STK24: variants seen among roughly 807,000 people sequenced by gnomAD.
The protein encoded by STK24 is serine/threonine-protein kinase 24.
STK24 carries 21 observed loss-of-function variants against 55.6 expected under a neutral mutation model. The ratio of observed to expected loss-of-function variants is 0.38; its 90% CI spans 0.27 to 0.54. STK24 has a LOEUF of 0.54. STK24 is among the 20% of genes least tolerant of loss of function. The pLI is 0.79. For missense variants in STK24, 383 were observed against 538.4 expected (o/e 0.71, Z 2.86); for synonymous variants, 200 against 215.2 (o/e 0.93, Z 0.62).
At chr13:98,542,492 C>T (rs1254999905) in intron 1 of STK24, among the ~76,000 whole-genome samples, 1 of 152,170 alleles carries the variant, frequency 6.6e-6, no homozygotes, top group African/African-American at 2.4e-5. Flanking sequence ...ACTCCAGGGT[C>T]AACTCAAGTG....
rs571427266 is a variant in STK24, at chr13:98,555,806, G to A, written c.42+20939C>T. 2.9e-3 allele frequency among the ~76,000 whole-genome samples: 422 copies of A among 147,044 alleles called. 1 individual carries two copies. Among genetic ancestry groups the A allele is most frequent in the African/African-American group, 9.8e-3 (394 of 40,218 alleles). ...CGCCATTCTCCTGCCTCAGCCTCCC[G>A]AGTAGCTGGGACTACAGGTGCCCGC... On this transcript the variant is annotated intron_variant, in intron 1 of 10. Transcript: ENST00000539966.
At chr13:98,541,498 T>C (rs1255186178) in intron 1 of STK24, among the ~76,000 whole-genome samples, 1 of 152,200 alleles carries the variant, frequency 6.6e-6, no homozygotes, top group Non-Finnish European at 1.5e-5. Context: ...AAAGAGACCA[T>C]GATGTCAGCA....
rs368896026 is a variant in STK24, at chr13:98,461,054, A to AAAG, written c.1054-615_1054-614insCTT. ...CAGAGACCCCGTCTCAAAAAAAAAA[A>AAAG]AGAGAGAGAGAGAGAGAGAGAGAAA... On this transcript the variant is annotated intron_variant, in intron 8 of 10. Coordinates refer to ENST00000539966, the MANE Select transcript of STK24 (RefSeq NM_001032296.4). Among the ~76,000 whole-genome samples the AAAG allele has an allele frequency of 8.5e-3, 1,216 of 143,712 alleles. 13 individuals carry two copies. Among genetic ancestry groups the AAAG allele is most frequent in the African/African-American group, 0.025 (966 of 38,726 alleles). The allele number at this position is 143,712 out of a possible 152,430, so 94.3% of individuals were successfully genotyped here.
intron 1 of STK24, among the ~76,000 whole-genome samples, chr13:98,566,496 A>C (rs553496100): frequency 6.6e-6 from 1 of 152,370 alleles, no homozygotes; most frequent in South Asian, 2.1e-4. Flanking sequence ...GGCAGGTTTC[A>C]TAAGCCTCGG....
intron 1 of STK24, among the ~76,000 whole-genome samples, chr13:98,533,055 A>G (rs1049914494): frequency 6.6e-6 from 1 of 152,240 alleles, no homozygotes; most frequent in Non-Finnish European, 1.5e-5. Flanking sequence ...ATTAAATTCT[A>G]TGAATTGCAA....
intron 1 of STK24, among the ~76,000 whole-genome samples, chr13:98,559,046 A>G (rs1454753536): frequency 6.7e-6 from 1 of 148,474 alleles, no homozygotes; most frequent in Non-Finnish European, 1.5e-5. Flanking sequence ...AAAATTAGCC[A>G]GGCATGGAGG....
intron 1 of STK24, among the ~76,000 whole-genome samples, chr13:98,543,693 C>CT (rs747078430): frequency 4.6e-5 from 7 of 152,136 alleles, no homozygotes; most frequent in Non-Finnish European, 8.8e-5. Context: ...AAGGATGGTG[C>CT]TGAACTATGG....
At chr13:98,502,584 G>A (rs138625412) in intron 2 of STK24, among the ~76,000 whole-genome samples, 8 of 152,236 alleles carry the variant, frequency 5.3e-5, no homozygotes, top group Non-Finnish European at 8.8e-5. Context: ...GTGACTTCAG[G>A]AACAGGTTTG....
At chr13:98,539,771 G>C (rs1256515233) in intron 1 of STK24, among the ~76,000 whole-genome samples, 1 of 152,124 alleles carries the variant, frequency 6.6e-6, no homozygotes, top group Admixed American at 6.6e-5. Flanking sequence ...AAGCCATTTG[G>C]CAATTTCTCA....
chr13:98,556,050 C>A (rs373935741), intron 1 of STK24, among the ~76,000 whole-genome samples: 1 of 152,078 alleles, frequency 6.6e-6, no homozygotes, highest in Non-Finnish European at 1.5e-5. Flanking sequence ...ATATACCTGA[C>A]GAAATGCCCG....
intron 1 of STK24, among the ~76,000 whole-genome samples, chr13:98,550,397 G>A (rs1419633313): frequency 6.6e-6 from 1 of 152,124 alleles, no homozygotes; most frequent in Non-Finnish European, 1.5e-5. Flanking sequence ...GGGCATGGTG[G>A]TGCACACCTG....
intron 2 of STK24, among the ~76,000 whole-genome samples, chr13:98,484,255 A>G (rs192208133): frequency 1.3e-5 from 2 of 151,894 alleles, no homozygotes; most frequent in Admixed American, 1.3e-4. Flanking sequence ...TCTTCCAGGA[A>G]AACACCAGTA....
chr13:98,498,865 C>T (rs1440215746), intron 2 of STK24, among the ~76,000 whole-genome samples: 4 of 152,252 alleles, frequency 2.6e-5, no homozygotes, highest in South Asian at 2.1e-4. Context: ...CATCCCAGAC[C>T]GCCACTGGGG....
At chr13:98,496,089 T>G (rs1204871570) in intron 2 of STK24, among the ~76,000 whole-genome samples, 1 of 152,130 alleles carries the variant, frequency 6.6e-6, no homozygotes, top group Non-Finnish European at 1.5e-5. Context: ...TGCCCTACAC[T>G]CATGCGGGAG....
rs4772081 is a variant in STK24 at position 98,448,008 on chromosome 13, T to C, written c.*5165A>G. On this transcript the variant is annotated 3_prime_UTR_variant, in exon 11 of 11. Coordinates refer to ENST00000539966, the MANE Select transcript of STK24 (RefSeq NM_001032296.4). ...GCTCCAATGGAGCGGGCAGTGTCAC[T>C]GCAGCAAGGTACTTCCAGCTCCACA... 436,939 of 569,882 alleles carry C rather than the reference T, an allele frequency of 0.77. 170,225 individuals carry two copies. The highest frequency in any genetic ancestry group is 0.83 in the Non-Finnish European group (263,082 of 318,270). The allele number at this position is 569,882 out of a possible 1,614,324, so 35.3% of individuals were successfully genotyped here.
rs1555299793 is a variant in STK24 at position 98,451,914 on chromosome 13, C to T, written c.*1259G>A. 1 of 152,202 alleles carries T rather than the reference C, an allele frequency of 6.6e-6. No individual in the cohort carries two copies. Among genetic ancestry groups the T allele is most frequent in the Non-Finnish European group, 1.5e-5 (1 of 68,108 alleles). The allele number at this position is 152,202 out of a possible 1,614,324, so 9.4% of individuals were successfully genotyped here. On this transcript the variant is annotated 3_prime_UTR_variant, in exon 11 of 11. Coordinates refer to ENST00000539966, the MANE Select transcript of STK24 (RefSeq NM_001032296.4). Reference sequence around the variant, plus strand: ...GAGAAGCAAAATAACTCTTAAGGTCCCCGGCAACCGCTACAGCAATCGCAC... The same window carrying T: ...GAGAAGCAAAATAACTCTTAAGGTCTCCGGCAACCGCTACAGCAATCGCAC...
At chr13:98,508,582 T>G (rs1895774927) in intron 2 of STK24, among the ~76,000 whole-genome samples, 1 of 152,132 alleles carries the variant, frequency 6.6e-6, no homozygotes, top group African/African-American at 2.4e-5. Context: ...CTTGGTAAAC[T>G]TATTGCTATT....
chr13:98,575,406 T>TAC lies in STK24; in HGVS notation c.42+1337_42+1338dup, dbSNP rs557819358. Among the ~76,000 whole-genome samples, 745 of 148,518 alleles carry TAC rather than the reference T, an allele frequency of 5.0e-3. 4 individuals carry two copies. Among genetic ancestry groups the TAC allele is most frequent in the African/African-American group, 0.013 (504 of 40,102 alleles). On this transcript the variant is annotated intron_variant, in intron 1 of 10. Coordinates refer to ENST00000539966, the MANE Select transcript of STK24 (RefSeq NM_001032296.4). ...CACACATATATATACTGCTTATATA[T>TAC]ACACACACACACACACACACACATA...
At chr13:98,572,992 A>G (rs1342275202) in intron 1 of STK24, among the ~76,000 whole-genome samples, 1 of 152,188 alleles carries the variant, frequency 6.6e-6, no homozygotes, top group Non-Finnish European at 1.5e-5. Context: ...AAATGCTCCA[A>G]AATATGAAAC....
Sources: allele counts gnomAD v4.1 joint callset (sites outside exome capture counted in the v4.1 genomes callset), GRCh38; gene constraint gnomAD v4.1.1; transcripts MANE v1.5; gene names NCBI Gene and HGNC (gene_info 2026-07-23, HGNC 2026-07-21).